The following ZNF605 variants were observed in gnomAD, a reference collection of about 807,000 sequenced individuals.
ZNF605 encodes zinc finger protein 605.
Under a neutral mutation model 7.9 loss-of-function variants are expected in ZNF605, and 9 were observed. The ratio of observed to expected loss-of-function variants is 1.14; its 90% CI spans 0.68 to 1.98. The LOEUF (loss-of-function observed/expected upper bound fraction) is 1.98, where lower values mean the gene tolerates loss of function less well. Among genes scored for constraint, ZNF605 ranks in the 30% most tolerant of loss-of-function variants. The pLI is 0.00. For synonymous variants in ZNF605, 255 were observed against 260.1 expected (o/e 0.98, Z 0.19); for missense variants, 673 against 762.4 (o/e 0.88, Z 1.38).
Position 132,926,070 on chromosome 12 carries a change from C to G in ZNF605, c.1229G>C (p.Arg410Thr). 1 of 1,614,120 alleles carries G rather than the reference C, an allele frequency of 6.2e-7. No individual in the cohort carries two copies. Residue 410 changes from arginine to threonine, a missense_variant, in exon 5 of 5, where the codon AGA (arginine) becomes ACA (threonine). Transcript: ENST00000360187. The part of the protein sequence containing the change: ...EAFFKKSELI[R>T]HQKIHLGEKP... ...CTCTCCTAAGTGAATTTTTTGATGT[C>G]TTATTAACTCTGACTTCTTAAAGAA...
At chr12:132,940,679 C>T (rs1040025665) in intron 3 of ZNF605, among the ~76,000 whole-genome samples, 16 of 152,224 alleles carry the variant, frequency 1.1e-4, no homozygotes, top group African/African-American at 3.4e-4. Flanking sequence ...TGGATCAGGC[C>T]GCCGGCCAGC....
chr12:132,945,129 A>C, intron 3 of ZNF605: 3 of 384,316 alleles, frequency 7.8e-6, no homozygotes, highest in Non-Finnish European at 1.4e-5. Context: ...CTGGGAGGCT[A>C]ATTTTTGTAT....
In ZNF605 at chr12:132,933,299, C is replaced by T; in HGVS notation, c.16-144G>A. The T allele has an allele frequency of 5.5e-6, 5 of 914,394 alleles. No homozygotes were observed. The South Asian group carries it at 6.3e-5, about 12-fold the overall frequency. 56.6% of individuals were successfully genotyped at this position (914,394 alleles called of 1,614,324 possible). A position where few individuals can be genotyped will look rare whatever the true frequency, so the allele number is the denominator to read the frequency against. ...TATTCATGCTTTTGCATAATCCTCCCCTCTTGACCGTGGGCTGGACTCACT... is the reference window on the plus strand; with the variant it reads ...TATTCATGCTTTTGCATAATCCTCCTCTCTTGACCGTGGGCTGGACTCACT... On this transcript the variant is annotated intron_variant, in intron 3 of 4. Transcript: ENST00000360187. The surrounding 1 kb of genome is among the most constrained non-coding windows in gnomAD (Gnocchi z 4.4).
intron 3 of ZNF605, among the ~76,000 whole-genome samples, chr12:132,936,927 C>A (rs917736852): frequency 6.6e-6 from 1 of 152,140 alleles, no homozygotes; most frequent in Non-Finnish European, 1.5e-5. Flanking sequence ...AGAGAAGGCA[C>A]GGCACAGACT....
At position 132,945,788 on chromosome 12, in the gene ZNF605, G is replaced by A; in HGVS notation, c.-153C>T. The stretch of plus-strand genomic sequence containing the variant: ...CTCACATGAATTGTCTTGTTCCAGA[G>A]GGCTATTGCCTGTGGATGCAGTGGA... On this transcript the variant is annotated 5_prime_UTR_variant, in exon 3 of 5. Transcript: ENST00000360187. 2 of 1,115,194 alleles carry A rather than the reference G, an allele frequency of 1.8e-6. No individual in the cohort carries two copies. The highest frequency in any genetic ancestry group is 1.3e-5 in the South Asian group (1 of 78,032). 69.1% of individuals were successfully genotyped at this position (1,115,194 alleles called of 1,614,324 possible).
intron 4 of ZNF605, 53 bp from the exon 5 acceptor site, chr12:132,927,215 T>C: frequency 7.6e-7 from 1 of 1,308,360 alleles, no homozygotes; most frequent in East Asian, 2.4e-5. Flanking sequence ...ATTATTATGC[T>C]TATTGCATAA....
chr12:132,927,600 G>C (rs1247629130), intron 4 of ZNF605, among the ~76,000 whole-genome samples: 2 of 150,208 alleles, frequency 1.3e-5, no homozygotes, highest in Non-Finnish European at 3.0e-5. Context: ...TCTTGACCTC[G>C]TGATCCACCC....
In ZNF605 at chr12:132,939,921, C is replaced by T. The variant is rs988695088; in HGVS notation, c.15+5700G>A. On this transcript the variant is annotated intron_variant, in intron 3 of 4. Coordinates refer to ENST00000360187, the MANE Select transcript of ZNF605 (RefSeq NM_183238.4). ...CTACCTTAAGAGCTGTAACACTCAC[C>T]GCGAAGGTCTGCAGCTTCACTCCTG... Among the ~76,000 whole-genome samples, 33 of 151,838 alleles carry T rather than the reference C, an allele frequency of 2.2e-4. No individual in the cohort carries two copies. The South Asian group carries it at 2.7e-3, about 12-fold the overall frequency.
chr12:132,938,866 G>A lies in ZNF605; in HGVS notation c.16-5711C>T, dbSNP rs1415545308. On this transcript the variant is annotated intron_variant, in intron 3 of 4. Transcript: ENST00000360187. ...CTCGGAGCAGCCAGCCAGCCCTGCTGGCCCCGGGCAATGGGGGACTTAGCA... is the reference window on the plus strand; with the variant it reads ...CTCGGAGCAGCCAGCCAGCCCTGCTAGCCCCGGGCAATGGGGGACTTAGCA... Among the ~76,000 whole-genome samples, 87 of 151,962 alleles carry A rather than the reference G, an allele frequency of 5.7e-4. No individual in the cohort carries two copies. In the South Asian group the frequency reaches 6.9e-3, roughly 12 times the overall value.
intron 3 of ZNF605, chr12:132,945,000 T>C (rs1406696069): frequency 5.4e-6 from 1 of 186,144 alleles, no homozygotes; most frequent in African/African-American, 2.4e-5. Flanking sequence ...TTTAAGACTT[T>C]TGTATGATTC....
Position 132,926,635 on chromosome 12 carries a change from C to A in ZNF605, c.664G>T (p.Glu222Ter). ...CATTCGCTGCACCCATGCGGTTTTT[C>A]TCCTGAGTGAGTTCTTTGATGAACC... is the stretch of plus-strand genomic sequence containing the variant. Reference protein sequence around the residue: ...LTVHQRTHSGEKPHGCSECQK... With the variant: ...LTVHQRTHSG Residue 222 changes from glutamate (E) to a stop codon, truncating the protein, a stop_gained, in exon 5 of 5, where the codon GAA becomes TAA. Transcript: ENST00000360187. LOFTEE classifies it low-confidence loss of function (END_TRUNC). 1.2e-6 allele frequency: 2 copies of A among 1,614,124 alleles called. No individual in the cohort carries two copies. The highest frequency in any genetic ancestry group is 1.7e-6 in the Non-Finnish European group (2 of 1,180,040).
chr12:132,927,323 T>C (rs1052869876), intron 4 of ZNF605, among the ~76,000 whole-genome samples, 161 bp from the exon 5 acceptor site: 6 of 152,222 alleles, frequency 3.9e-5, no homozygotes, highest in African/African-American at 1.4e-4. Context: ...GAAAATGAAC[T>C]TTTAAATTAC....
At chr12:132,951,546 A>G (rs111200455) in intron 1 of ZNF605, among the ~76,000 whole-genome samples, 26,830 of 151,226 alleles carry the variant, frequency 0.18, 2,527 homozygotes, top group South Asian at 0.25. Flanking sequence ...ACACACACAC[A>G]TACACACACT....
rs558835399 is a variant in ZNF605 at position 132,954,122 on chromosome 12, G to A, written c.-286+2121C>T. 9.7e-4 allele frequency among the ~76,000 whole-genome samples: 147 copies of A among 151,396 alleles called. 1 individual carries two copies. The highest frequency in any genetic ancestry group is 9.4e-3 in the South Asian group (45 of 4,770). ...GCCCCCAGACACTTACCATTCCTAC[G>A]TCACACCATAGACCTCACAGGCCAG... is the stretch of plus-strand genomic sequence containing the variant. On this transcript the variant is annotated intron_variant, in intron 1 of 4. Coordinates refer to ENST00000360187, the MANE Select transcript of ZNF605 (RefSeq NM_183238.4).
At position 132,947,240 on chromosome 12, in the gene ZNF605, C is replaced by T. The variant is rs781046675; in HGVS notation, c.-163+908G>A. 3.9e-3 allele frequency among the ~76,000 whole-genome samples: 595 copies of T among 152,274 alleles called. 1 individual carries two copies. The highest frequency in any genetic ancestry group is 4.5e-3 in the Non-Finnish European group (304 of 68,040). ...ATATTGGCCAGGCTAGTCTCGAACT[C>T]CTGACCTCAGGTGATCCGCCCACCT... On this transcript the variant is annotated intron_variant, in intron 2 of 4. Coordinates refer to ENST00000360187, the MANE Select transcript of ZNF605 (RefSeq NM_183238.4).
intron 3 of ZNF605, chr12:132,945,046 G>A (rs1952482852): frequency 3.8e-6 from 1 of 264,518 alleles, no homozygotes; most frequent in Non-Finnish European, 7.3e-6. Context: ...GGAGTGCACT[G>A]ATGCGATCTC....
chr12:132,945,783 C>A lies in ZNF605; in HGVS notation c.-148G>T. On this transcript the variant is annotated 5_prime_UTR_variant, in exon 3 of 5. Transcript: ENST00000360187. ...CTTATCTCACATGAATTGTCTTGTT[C>A]CAGAGGGCTATTGCCTGTGGATGCA... 2 of 1,164,428 alleles carry A rather than the reference C, an allele frequency of 1.7e-6. No individual in the cohort carries two copies. Among genetic ancestry groups the A allele is most frequent in the Non-Finnish European group, 1.3e-6 (1 of 775,708 alleles). The allele number at this position is 1,164,428 out of a possible 1,614,324, so 72.1% of individuals were successfully genotyped here.
intron 4 of ZNF605, among the ~76,000 whole-genome samples, chr12:132,931,756 C>T (rs1416178989): frequency 6.6e-6 from 1 of 152,168 alleles, no homozygotes; most frequent in African/African-American, 2.4e-5. Flanking sequence ...TATCACACAG[C>T]AGGTAATGGA....
intron 1 of ZNF605, among the ~76,000 whole-genome samples, chr12:132,952,908 C>T (rs1311483135): frequency 2.0e-5 from 3 of 152,042 alleles, no homozygotes; most frequent in African/African-American, 7.3e-5. Flanking sequence ...TCCAGACCCA[C>T]CAACACGGCC....
Sources: gnomAD v4.1 joint callset for allele counts (sites outside exome capture counted in the v4.1 genomes callset) on GRCh38, gnomAD v4.1.1 for gene constraint, Gnocchi (gnomAD v3.1) non-coding constraint, MANE v1.5 for transcripts, NCBI Gene and HGNC (gene_info 2026-07-23, HGNC 2026-07-21) for gene names.